The following PRKAR2A variants were observed in gnomAD, a reference collection of about 807,000 sequenced individuals.
The protein encoded by PRKAR2A is protein kinase cAMP-dependent type II regulatory subunit alpha.
A neutral mutation model predicts 51.9 loss-of-function variants in PRKAR2A; 29 were observed. The observed-to-expected ratio is 0.56, with a 90% CI of 0.42 to 0.76. PRKAR2A has a LOEUF of 0.76. PRKAR2A is among the 30% of genes least tolerant of loss of function. PRKAR2A has a pLI of 0.00. For synonymous variants in PRKAR2A, 178 were observed against 186.2 expected, an observed-to-expected ratio of 0.96 and a Z score of 0.36; for missense variants, 445 against 512.1, an observed-to-expected ratio of 0.87 and a Z score of 1.26.
Position 48,847,509 on chromosome 3 carries a change from C to G in PRKAR2A, c.88G>C (p.Val30Leu), listed in dbSNP as rs987570661. 1 of 1,557,690 alleles carries G rather than the reference C, an allele frequency of 6.4e-7. No individual in the cohort carries two copies. Among genetic ancestry groups the G allele is most frequent in the Middle Eastern group, 1.7e-4 (1 of 5,960 alleles). Reference sequence around the variant, plus strand: ...GTGAAGTACTCCACTGCGAATTCGACGAGGTCAGGCGGCTGCTGTCGCAGC... The same window carrying G: ...GTGAAGTACTCCACTGCGAATTCGAGGAGGTCAGGCGGCTGCTGTCGCAGC... ...EVLRQQPPDL[V>L]EFAVEYFTRL... is the part of the protein sequence containing the mutation. Residue 30 changes from valine to leucine, a missense_variant, in exon 1 of 11, where the codon GTC becomes CTC. Physicochemically the swap from Val to Leu is conservative, Grantham distance 32. Transcript: ENST00000265563. The surrounding 1 kb of genome is among the most constrained non-coding windows in gnomAD (Gnocchi z 4.4).
intron 8 of PRKAR2A, among the ~76,000 whole-genome samples, chr3:48,762,718 G>A (rs1385160969): frequency 6.6e-6 from 1 of 151,974 alleles, no homozygotes; most frequent in Non-Finnish European, 1.5e-5. Context: ...CTGAGATTGC[G>A]CCATTGCACT....
intron 5 of PRKAR2A, among the ~76,000 whole-genome samples, chr3:48,776,463 A>C (rs2082106462): frequency 6.6e-6 from 1 of 152,118 alleles, no homozygotes; most frequent in Non-Finnish European, 1.5e-5. Context: ...ATGTTTCTAT[A>C]TATATCATGG....
chr3:48,829,525 A>C (rs984435326), intron 1 of PRKAR2A, among the ~76,000 whole-genome samples: 1 of 149,826 alleles, frequency 6.7e-6, no homozygotes, highest in African/African-American at 2.4e-5. Flanking sequence ...TCTCAAAAAT[A>C]AATAAATAAA....
intron 1 of PRKAR2A, among the ~76,000 whole-genome samples, chr3:48,834,692 C>G (rs1206623560): frequency 1.4e-5 from 2 of 147,022 alleles, no homozygotes; most frequent in African/African-American, 5.1e-5. Flanking sequence ...TCGCTGCACT[C>G]TAGCCTGGGC....
rs140485793 is a variant in PRKAR2A, at chr3:48,790,024, G to A, written c.435+520C>T. ...TTTATGGCTTATTTTTGGCATATCC[G>A]AATTGCCAGCATTGCTTCTCTTGTG... is the stretch of plus-strand genomic sequence containing the variant. On this transcript the variant is annotated intron_variant, in intron 4 of 10. Transcript: ENST00000265563. Among the ~76,000 whole-genome samples, 24 of 151,118 alleles carry A rather than the reference G, an allele frequency of 1.6e-4. No individual in the cohort carries two copies. In the East Asian group the frequency reaches 2.5e-3, roughly 16 times the overall value.
chr3:48,800,045 A>T (rs1054654592), intron 2 of PRKAR2A, among the ~76,000 whole-genome samples: 1 of 151,746 alleles, frequency 6.6e-6, no homozygotes, highest in African/African-American at 2.4e-5. Flanking sequence ...TTTTTAGTAG[A>T]GATAGGGTTT....
At chr3:48,756,651 A>C (rs1188264342) in intron 8 of PRKAR2A, among the ~76,000 whole-genome samples, 1 of 152,194 alleles carries the variant, frequency 6.6e-6, no homozygotes, top group Non-Finnish European at 1.5e-5. Context: ...GTGAGATTTG[A>C]GCAAATATTG....
chr3:48,830,632 G>T (rs2083172785), intron 1 of PRKAR2A, among the ~76,000 whole-genome samples: 1 of 152,120 alleles, frequency 6.6e-6, no homozygotes, highest in Non-Finnish European at 1.5e-5. Context: ...AATTGGAGAA[G>T]GGTTGGGGGA....
chr3:48,824,946 AAAAAAG>A (rs1365158657), intron 1 of PRKAR2A, among the ~76,000 whole-genome samples: 1 of 152,044 alleles, frequency 6.6e-6, no homozygotes, highest in East Asian at 1.9e-4. Context: ...ATTCCGTCTC[AAAAAAG>A]AAAAAGAAAA....
intron 1 of PRKAR2A, among the ~76,000 whole-genome samples, chr3:48,824,589 GA>G (rs2083028264): frequency 7.3e-6 from 1 of 136,896 alleles, no homozygotes; most frequent in Non-Finnish European, 1.5e-5. Context: ...AAGAAAGAAA[GA>G]AAGAAAGAAA....
chr3:48,785,247 A>G (rs1178071282), intron 4 of PRKAR2A, among the ~76,000 whole-genome samples: 3 of 147,346 alleles, frequency 2.0e-5, no homozygotes, highest in Non-Finnish European at 4.5e-5. Flanking sequence ...GCATGCCACC[A>G]GGCCTGGATA....
At chr3:48,791,174 C>T (rs904355567) in intron 3 of PRKAR2A, among the ~76,000 whole-genome samples, 4 of 149,442 alleles carry the variant, frequency 2.7e-5, no homozygotes, top group African/African-American at 9.9e-5. Context: ...GTAATCCCAG[C>T]TCCTCAGGAG....
At chr3:48,812,814 T>G (rs759791322) in intron 1 of PRKAR2A, among the ~76,000 whole-genome samples, 32 of 152,172 alleles carry the variant, frequency 2.1e-4, no homozygotes, top group Non-Finnish European at 4.1e-4. Flanking sequence ...ATTTGATACC[T>G]TATGTTCTAA....
intron 4 of PRKAR2A, among the ~76,000 whole-genome samples, chr3:48,789,645 C>G (rs1301322846): frequency 6.6e-6 from 1 of 151,954 alleles, no homozygotes; most frequent in African/African-American, 2.4e-5. Context: ...TGCACACTAC[C>G]ACACCTGGCT....
intron 6 of PRKAR2A, among the ~76,000 whole-genome samples, chr3:48,771,901 A>G (rs2082034818): frequency 6.6e-6 from 1 of 152,138 alleles, no homozygotes; most frequent in African/African-American, 2.4e-5. Context: ...CCTAGCTGAC[A>G]CTAGCTGATT....
chr3:48,789,754 T>C (rs2082353749), intron 4 of PRKAR2A, among the ~76,000 whole-genome samples: 1 of 152,084 alleles, frequency 6.6e-6, no homozygotes, highest in African/African-American at 2.4e-5. Flanking sequence ...ATTACAGGCA[T>C]GAGCCACCGC....
chr3:48,782,525 T>G (rs914657570), intron 5 of PRKAR2A, among the ~76,000 whole-genome samples: 3 of 151,924 alleles, frequency 2.0e-5, no homozygotes, highest in Non-Finnish European at 4.4e-5. Flanking sequence ...CAACCTTTGC[T>G]AGGATTACAG....
intron 2 of PRKAR2A, among the ~76,000 whole-genome samples, chr3:48,799,546 T>C (rs1283743153): frequency 6.6e-6 from 1 of 152,186 alleles, no homozygotes; most frequent in Non-Finnish European, 1.5e-5. Flanking sequence ...AAGGTAGCTA[T>C]AGATGAAAAA....
At chr3:48,833,343 T>C (rs1319534434) in intron 1 of PRKAR2A, among the ~76,000 whole-genome samples, 1 of 152,176 alleles carries the variant, frequency 6.6e-6, no homozygotes, top group Non-Finnish European at 1.5e-5. Context: ...CTCAGGCTAA[T>C]TTCTTAAAAT....
Sources: gnomAD v4.1 joint callset for allele counts (sites outside exome capture counted in the v4.1 genomes callset) on GRCh38, gnomAD v4.1.1 for gene constraint, Gnocchi (gnomAD v3.1) non-coding constraint, MANE v1.5 for transcripts, NCBI Gene and HGNC (gene_info 2026-07-23, HGNC 2026-07-21) for gene names.